SSBP3: variants seen among roughly 807,000 people sequenced by gnomAD.
The protein encoded by SSBP3 is single stranded DNA binding protein 3.
Under a neutral mutation model 69.6 loss-of-function variants are expected in SSBP3, and 5 were observed. That is an observed-to-expected ratio of 0.07 (90% CI 0.04 to 0.15). The LOEUF (loss-of-function observed/expected upper bound fraction) is 0.15. Ranked by LOEUF, SSBP3 falls within the 10% of genes least tolerant of loss-of-function variation. The probability of loss-of-function intolerance (pLI) is 1.00; values close to 1 mark genes in which losing one functional copy is unlikely to be tolerated. For missense variants in SSBP3, 312 were observed against 534.0 expected (o/e 0.58, Z 4.10); for synonymous variants, 196 against 193.4 (o/e 1.01, Z -0.11).
intron 4 of SSBP3, among the ~76,000 whole-genome samples, chr1:54,289,295 G>GCA (rs913052193): frequency 4.0e-5 from 6 of 151,032 alleles, no homozygotes; most frequent in South Asian, 2.1e-4. Context: ...GTGTGTGTCT[G>GCA]CACACACATG....
At chr1:54,401,888 T>A (rs746460001) in exon 4 of SSBP3, 2 of 1,614,030 alleles carry the variant, frequency 1.2e-6, no homozygotes, top group South Asian at 2.2e-5. Flanking sequence ...TTGCTTCACT[T>A]GAATGTTCAC....
chr1:54,306,316 C>T (rs944322732), intron 4 of SSBP3, among the ~76,000 whole-genome samples: 2 of 152,168 alleles, frequency 1.3e-5, no homozygotes, highest in African/African-American at 2.4e-5. Context: ...TGGTGTCAGC[C>T]GTGTGTCAAA....
chr1:54,348,254 G>C (rs1355182138), intron 4 of SSBP3, among the ~76,000 whole-genome samples: 1 of 126,504 alleles, frequency 7.9e-6, no homozygotes, highest in African/African-American at 2.9e-5. Context: ...GGGCGGGGGG[G>C]GGGGGGCGGG....
intron 4 of SSBP3, among the ~76,000 whole-genome samples, chr1:54,294,707 A>T (rs1009279680): frequency 5.1e-4 from 78 of 152,068 alleles, no homozygotes; most frequent in African/African-American, 1.9e-3. Flanking sequence ...CCTCCCTTCC[A>T]TCTCCAAGAT....
chr1:54,388,751 C>A (rs1648266836), intron 4 of SSBP3, among the ~76,000 whole-genome samples: 1 of 152,232 alleles, frequency 6.6e-6, no homozygotes, highest in Non-Finnish European at 1.5e-5. Context: ...GTGTGTCTAC[C>A]CTCCAAGCTG....
chr1:54,242,125 C>T, intron 11 of SSBP3, 39 bp downstream of exon 11: 2 of 1,610,622 alleles, frequency 1.2e-6, no homozygotes, highest in Non-Finnish European at 1.7e-6. Flanking sequence ...CAGAACCGCT[C>T]CCCTGACAAA....
chr1:54,306,279 C>T (rs1046590668), intron 4 of SSBP3, among the ~76,000 whole-genome samples: 1 of 152,138 alleles, frequency 6.6e-6, no homozygotes, highest in Non-Finnish European at 1.5e-5. Context: ...TATGATAACG[C>T]ACAGCTTGGT....
rs556999059 is a variant in SSBP3, at chr1:54,323,848, C to A, written c.277-42321G>T. ...GATAGGAACTAGCAAAAAAGACGGT[C>A]TTCCTTTTTCAAGCTAGCACAGGCC... On this transcript the variant is annotated intron_variant, in intron 4 of 17. Coordinates refer to ENST00000610401, the Ensembl canonical transcript of SSBP3. Among the ~76,000 whole-genome samples the A allele has an allele frequency of 7.4e-4, 113 of 152,214 alleles. 4 individuals are homozygous for A. In the South Asian group the frequency reaches 0.022, roughly 30 times the overall value.
At chr1:54,351,372 T>TTC (rs1187006392) in intron 4 of SSBP3, among the ~76,000 whole-genome samples, 1 of 152,168 alleles carries the variant, frequency 6.6e-6, no homozygotes, top group East Asian at 1.9e-4. Context: ...TTCCCAAGGT[T>TTC]ACCGGAAGGA....
chr1:54,269,394 C>T (rs555607191), intron 5 of SSBP3, among the ~76,000 whole-genome samples: 15 of 152,296 alleles, frequency 9.8e-5, no homozygotes, highest in African/African-American at 2.9e-4. Flanking sequence ...CTTATATCCA[C>T]GCTCTCTAAC....
rs539679337 is a variant in SSBP3 at position 54,376,180 on chromosome 1, G to A, written c.276+25681C>T. On this transcript the variant is annotated intron_variant, in intron 4 of 17. Coordinates refer to ENST00000610401, the Ensembl canonical transcript of SSBP3. ...CCCTCCACCCTGTTCACTCGTGTGCGTGCATGCGTGGGTGTGTGTGTGTGT... is the reference window on the plus strand; with the variant it reads ...CCCTCCACCCTGTTCACTCGTGTGCATGCATGCGTGGGTGTGTGTGTGTGT... 3.3e-5 allele frequency among the ~76,000 whole-genome samples: 5 copies of A among 150,902 alleles called. No homozygotes were observed. The East Asian group carries it at 8.0e-4, about 24-fold the overall frequency.
chr1:54,345,364 G>C (rs949086017), intron 4 of SSBP3, among the ~76,000 whole-genome samples: 1 of 152,054 alleles, frequency 6.6e-6, no homozygotes, highest in Non-Finnish European at 1.5e-5. Flanking sequence ...AGGACACCAA[G>C]AGCCGCACTC....
chr1:54,285,936 G>T (rs1291743330), intron 4 of SSBP3, among the ~76,000 whole-genome samples: 1 of 152,184 alleles, frequency 6.6e-6, no homozygotes, highest in Non-Finnish European at 1.5e-5. Flanking sequence ...TGTGTCCAAT[G>T]ATGGTGTTAG....
At chr1:54,330,833 C>G (rs1646396948) in intron 4 of SSBP3, among the ~76,000 whole-genome samples, 1 of 152,192 alleles carries the variant, frequency 6.6e-6, no homozygotes, top group Non-Finnish European at 1.5e-5. Context: ...CCAACGCAGG[C>G]CACCCTGAAG....
intron 14 of SSBP3, among the ~76,000 whole-genome samples, chr1:54,229,666 C>A (rs1173895647): frequency 6.6e-6 from 1 of 152,152 alleles, no homozygotes; most frequent in Non-Finnish European, 1.5e-5. Context: ...CCCACAGCCA[C>A]GAGTCACGGG....
chr1:54,394,589 C>T (rs1648725239), intron 4 of SSBP3, among the ~76,000 whole-genome samples: 1 of 152,044 alleles, frequency 6.6e-6, no homozygotes, highest in African/African-American at 2.4e-5. Context: ...TCAGGGTCAC[C>T]CCAGGAAGTC....
chr1:54,285,920 TC>T (rs1460312809), intron 4 of SSBP3, among the ~76,000 whole-genome samples: 1 of 152,140 alleles, frequency 6.6e-6, no homozygotes, highest in African/African-American at 2.4e-5. Context: ...GGACTCAGTT[TC>T]CCCATGTGTC....
Position 54,240,838 on chromosome 1 carries a change from G to C in SSBP3, c.856+67C>G, listed in dbSNP as rs1644622511. On this transcript the variant is annotated intron_variant, in intron 13 of 17. Coordinates refer to ENST00000610401, the Ensembl canonical transcript of SSBP3. ...CTGGCTCTGCAACAGTGCCCCTCCAGGTCTCTCTGGCAACATGCCCCACCC... is the reference window on the plus strand; with the variant it reads ...CTGGCTCTGCAACAGTGCCCCTCCACGTCTCTCTGGCAACATGCCCCACCC... 5.6e-6 allele frequency: 9 copies of C among 1,602,610 alleles called. No homozygotes were observed. In the South Asian group the frequency reaches 7.7e-5, roughly 14 times the overall value.
chr1:54,251,707 A>G lies in SSBP3; in HGVS notation c.575-15T>C, dbSNP rs191260519. On this transcript the variant is annotated splice_polypyrimidine_tract_variant and intron_variant, in intron 8 of 17. Transcript: ENST00000610401. ...GTTGGGGTGGCCTGCGTGAGAGAGG[A>G]GGCGCGTCATGGGATGGCAGGAGTG... The G allele has an allele frequency of 3.8e-6, 6 of 1,568,100 alleles. No individual in the cohort carries two copies. Among genetic ancestry groups the G allele is most frequent in the Non-Finnish European group, 5.2e-6 (6 of 1,154,748 alleles).
Sources: gnomAD v4.1 joint callset for allele counts (sites outside exome capture counted in the v4.1 genomes callset) on GRCh38, gnomAD v4.1.1 for gene constraint, MANE v1.5 for transcripts, NCBI Gene and HGNC (gene_info 2026-07-23, HGNC 2026-07-21) for gene names.